FAM20A: variants seen among roughly 807,000 people sequenced by gnomAD.
FAM20A encodes the protein FAM20A golgi associated secretory pathway pseudokinase, also known as pseudokinase FAM20A.
In FAM20A, 42 loss-of-function variants were observed where a neutral mutation model predicts 52.0. The ratio of observed to expected loss-of-function variants is 0.81; its 90% confidence interval spans 0.63 to 1.04. FAM20A has a LOEUF of 1.04. Ranked by LOEUF, FAM20A falls within the 50% of genes least tolerant of loss-of-function variation. The probability of loss-of-function intolerance (pLI) is 0.00; values close to 1 mark genes in which losing one functional copy is unlikely to be tolerated. For missense variants in FAM20A, 742 were observed against 712.7 expected (o/e 1.04, Z -0.47); for synonymous variants, 304 against 298.9 (o/e 1.02, Z -0.18).
rs1387330546 is a variant in FAM20A at position 68,543,650 on chromosome 17, A to G, written c.791T>C (p.Ile264Thr). 2.5e-6 allele frequency: 4 copies of G among 1,614,150 alleles called. No individual in the cohort carries two copies. The highest frequency in any genetic ancestry group is 3.4e-6 in the Non-Finnish European group (4 of 1,180,014). ...CTACCTGTCCAGATGGAAAGCTGCG[A>G]TCTCAGCATTGTGTCTCTGAAAGTC... ...FIDFQRHNAE[I>T]AAFHLDRILD... is the part of the protein sequence containing the mutation. Residue 264 changes from isoleucine (I) to threonine (T), a missense_variant, in exon 5 of 11, where the codon ATC becomes ACC. Ile to Thr is a moderately conservative substitution (Grantham distance 89). Transcript: ENST00000592554.
Position 68,562,128 on chromosome 17 carries a change from G to T in FAM20A, c.405-6385C>A, listed in dbSNP as rs529180255. Among the ~76,000 whole-genome samples, 121 of 152,256 alleles carry T rather than the reference G, an allele frequency of 7.9e-4. 1 individual carries two copies. Among genetic ancestry groups the T allele is most frequent in the Middle Eastern group, 6.8e-3 (2 of 294 alleles). ...CATAAGCCACCACGCCCGGCCCCCAGTACCTTTCAAAACGTGTAATGAGTG... is the reference window on the plus strand; with the variant it reads ...CATAAGCCACCACGCCCGGCCCCCATTACCTTTCAAAACGTGTAATGAGTG... On this transcript the variant is annotated intron_variant, in intron 1 of 10. Coordinates refer to ENST00000592554, the MANE Select transcript of FAM20A (RefSeq NM_017565.4).
chr17:68,571,682 TC>T (rs1388731385), intron 1 of FAM20A, among the ~76,000 whole-genome samples: 23 of 152,120 alleles, frequency 1.5e-4, no homozygotes, highest in Non-Finnish European at 2.9e-4. Flanking sequence ...AGGTTGTTTT[TC>T]TTTTTTTTCC....
chr17:68,561,969 G>T (rs777305259), intron 1 of FAM20A, among the ~76,000 whole-genome samples: 1 of 152,046 alleles, frequency 6.6e-6, no homozygotes. Flanking sequence ...ATTTACAGGC[G>T]CATGCCACCA....
chr17:68,566,090 C>T (rs1168784803), intron 1 of FAM20A, among the ~76,000 whole-genome samples: 1 of 152,176 alleles, frequency 6.6e-6, no homozygotes, highest in Admixed American at 6.5e-5. Flanking sequence ...TCCAGAAATT[C>T]CTCCCAGCCA....
rs2086120154 is a variant in FAM20A, at chr17:68,537,247, C to T, written c.*230G>A. ...GAGATCGTCGGTGGCCTTGATGAAG[C>T]CAGTGCTTTTTGGGAAAAACGGAGC... On this transcript the variant is annotated 3_prime_UTR_variant, in exon 11 of 11. Coordinates refer to ENST00000592554, the MANE Select transcript of FAM20A (RefSeq NM_017565.4). This position sits in a 1 kb window ranked among gnomAD's most constrained non-coding sequence, Gnocchi z 4.2. 1.5e-6 allele frequency: 1 copy of T among 684,590 alleles called. No individual in the cohort carries two copies. Among genetic ancestry groups the T allele is most frequent in the Non-Finnish European group, 2.6e-6 (1 of 379,102 alleles). The allele number at this position is 684,590 out of a possible 1,614,324, so 42.4% of individuals were successfully genotyped here. A position where few individuals can be genotyped will look rare whatever the true frequency, so the allele number is the denominator to read the frequency against.
intron 1 of FAM20A, among the ~76,000 whole-genome samples, chr17:68,561,878 A>T (rs898803256): frequency 2.0e-5 from 3 of 151,896 alleles, no homozygotes; most frequent in Admixed American, 2.0e-4. Flanking sequence ...GCTGGAGTGC[A>T]GTGGTATGAT....
At chr17:68,597,759 A>G (rs1285197096) in intron 1 of FAM20A, among the ~76,000 whole-genome samples, 1 of 152,186 alleles carries the variant, frequency 6.6e-6, no homozygotes, top group African/African-American at 2.4e-5. Context: ...TGTGAAGAGA[A>G]AAACAATTAG....
Position 68,536,301 on chromosome 17 carries a change from G to C in FAM20A, c.*1176C>G, listed in dbSNP as rs1271441655. The C allele has an allele frequency of 2.2e-6, 1 of 454,006 alleles. No individual in the cohort carries two copies. Among genetic ancestry groups the C allele is most frequent in the South Asian group, 1.6e-5 (1 of 64,468 alleles). 28.1% of individuals were successfully genotyped at this position (454,006 alleles called of 1,614,324 possible). ...GGAAAAGTTGATTTGATGAAATGAG[G>C]CATTTTTACTTTTGTTGACTGACTA... On this transcript the variant is annotated 3_prime_UTR_variant, in exon 11 of 11. Coordinates refer to ENST00000592554, the MANE Select transcript of FAM20A (RefSeq NM_017565.4).
chr17:68,551,392 A>C (rs912389814), intron 4 of FAM20A: 21 of 330,304 alleles, frequency 6.4e-5, no homozygotes, highest in Non-Finnish European at 9.8e-5. Flanking sequence ...ACAAGTCCGT[A>C]AACTTTTTGA....
At chr17:68,556,216 G>C (rs2143714614) in intron 1 of FAM20A, among the ~76,000 whole-genome samples, 1 of 152,132 alleles carries the variant, frequency 6.6e-6, no homozygotes, top group Middle Eastern at 3.4e-3. Flanking sequence ...AAGAAGAGAG[G>C]GTGCAGATCT....
intron 4 of FAM20A, among the ~76,000 whole-genome samples, chr17:68,546,327 C>A (rs1238445339): frequency 6.6e-6 from 1 of 151,966 alleles, no homozygotes; most frequent in Non-Finnish European, 1.5e-5. Context: ...AGTCTTGAAC[C>A]CCTCAAAGTC....
At chr17:68,593,356 C>A (rs1211652179) in intron 1 of FAM20A, among the ~76,000 whole-genome samples, 1 of 152,204 alleles carries the variant, frequency 6.6e-6, no homozygotes, top group East Asian at 1.9e-4. Context: ...CTGTATTTCC[C>A]ATTTTTCTTT....
Position 68,600,240 on chromosome 17 carries a change from C to T in FAM20A, c.404+23G>A. 2 of 1,551,270 alleles carry T rather than the reference C, an allele frequency of 1.3e-6. No individual in the cohort carries two copies. Among genetic ancestry groups the T allele is most frequent in the African/African-American group, 1.4e-5 (1 of 73,100 alleles). The stretch of plus-strand genomic sequence containing the variant: ...GCCCCGGCCAGAGCGCCCGCTCTCC[C>T]GCGTCCCGGGCGGGGTCCTCACCTG... On this transcript the variant is annotated intron_variant, in intron 1 of 10. Transcript: ENST00000592554. This position sits in a 1 kb window ranked among gnomAD's most constrained non-coding sequence, Gnocchi z 6.2.
Position 68,600,799 on chromosome 17 carries a change from C to T in FAM20A, c.-133G>A. ...CGGGGTCAGTGAGACCGGAATGCTC[C>T]CCGCGCGGGCTAGTCCCCTGTGGAG... On this transcript the variant is annotated 5_prime_UTR_variant, in exon 1 of 11. Transcript: ENST00000592554. The surrounding 1 kb of genome is among the most constrained non-coding windows in gnomAD (Gnocchi z 6.2). 2 of 994,380 alleles carry T rather than the reference C, an allele frequency of 2.0e-6. No individual in the cohort carries two copies. The highest frequency in any genetic ancestry group is 2.9e-6 in the Non-Finnish European group (2 of 697,712). 61.6% of individuals were successfully genotyped at this position (994,380 alleles called of 1,614,324 possible).
At chr17:68,555,292 G>A (rs546565444) in intron 2 of FAM20A, among the ~76,000 whole-genome samples, 15 of 152,250 alleles carry the variant, frequency 9.9e-5, no homozygotes, top group Non-Finnish European at 1.6e-4. Flanking sequence ...AGAGAATGTC[G>A]CCTGCTTCAA....
At chr17:68,595,896 G>C (rs2088438192) in intron 1 of FAM20A, among the ~76,000 whole-genome samples, 1 of 152,150 alleles carries the variant, frequency 6.6e-6, no homozygotes, top group African/African-American at 2.4e-5. Flanking sequence ...AGCTGGGGCA[G>C]GGAGGAGCTT....
intron 1 of FAM20A, among the ~76,000 whole-genome samples, chr17:68,596,875 AGAAAG>A (rs1013543775): frequency 3.6e-4 from 51 of 142,130 alleles, no homozygotes; most frequent in Middle Eastern, 3.6e-3. Flanking sequence ...TGGGGGGAAA[AGAAAG>A]GAAGGGAGGG....
At chr17:68,575,813 CACACACACACACACACACAT>C (rs1383771496) in intron 1 of FAM20A, among the ~76,000 whole-genome samples, 2 of 133,782 alleles carry the variant, frequency 1.5e-5, no homozygotes, top group Non-Finnish European at 3.2e-5. Context: ...CACACACACA[CACACACACACACACACACAT>C]AATCAGCCAT....
At chr17:68,572,004 A>C (rs1203141941) in intron 1 of FAM20A, among the ~76,000 whole-genome samples, 1 of 36,028 alleles carries the variant, frequency 2.8e-5, no homozygotes, top group African/African-American at 1.1e-4. Context: ...ATATATATAT[A>C]TATATATATA....
Sources: allele counts gnomAD v4.1 joint callset (sites outside exome capture counted in the v4.1 genomes callset), GRCh38; gene constraint gnomAD v4.1.1; non-coding constraint Gnocchi (gnomAD v3.1); transcripts MANE v1.5; gene names NCBI Gene and HGNC (gene_info 2026-07-23, HGNC 2026-07-21).